Variants in MACO1 observed in about 807,000 individuals in gnomAD.
MACO1 encodes macoilin.
A neutral mutation model predicts 78.7 loss-of-function variants in MACO1; 14 were observed. The observed-to-expected ratio is 0.18, with a 90% confidence interval of 0.12 to 0.28. The LOEUF is 0.28. Ranked by LOEUF, MACO1 falls within the 10% of genes least tolerant of loss-of-function variation. The probability of loss-of-function intolerance (pLI) is 1.00; values close to 1 mark genes in which losing one functional copy is unlikely to be tolerated. For synonymous variants in MACO1, 288 were observed against 291.6 expected, an observed-to-expected ratio of 0.99 and a Z score of 0.12; for missense variants, 501 against 799.0, an observed-to-expected ratio of 0.63 and a Z score of 4.50.
At chr1:25,452,358 C>G (rs1437999214) in intron 3 of MACO1, among the ~76,000 whole-genome samples, 1 of 152,226 alleles carries the variant, frequency 6.6e-6, no homozygotes, top group Admixed American at 6.5e-5. Context: ...GATTTTGATT[C>G]GAAAAGCCAG....
chr1:25,487,727 TG>T (rs924857711), intron 8 of MACO1, among the ~76,000 whole-genome samples: 3 of 152,006 alleles, frequency 2.0e-5, no homozygotes, highest in African/African-American at 4.8e-5. Flanking sequence ...CCCTCAAAAG[TG>T]GGGGGAAAAT....
intron 4 of MACO1, 38 bp downstream of exon 4, chr1:25,454,420 ATG>A: frequency 1.5e-5 from 20 of 1,329,424 alleles, no homozygotes; most frequent in South Asian, 8.3e-5. Flanking sequence ...GTGTGTGTAT[ATG>A]TGTGTATGTA....
chr1:25,448,299 C>T (rs890980236), intron 2 of MACO1, among the ~76,000 whole-genome samples: 2 of 152,068 alleles, frequency 1.3e-5, no homozygotes, highest in Admixed American at 1.3e-4. Context: ...CCTGTCTCTA[C>T]TAAAGTTACA....
At chr1:25,478,681 T>C (rs1216859085) in intron 6 of MACO1, among the ~76,000 whole-genome samples, 1 of 152,244 alleles carries the variant, frequency 6.6e-6, no homozygotes, top group African/African-American at 2.4e-5. Flanking sequence ...CTTTTGAAAT[T>C]ATCAGTAAAG....
rs1411563044 is a variant in MACO1 at position 25,499,704 on chromosome 1, C to T, written c.*1238C>T. On this transcript the variant is annotated 3_prime_UTR_variant, in exon 11 of 11. Transcript: ENST00000374343. ...TCAGGGTGGGGGTGGCGGGAGGGAC[C>T]GGGTGGGGGCAATGCAAAATTGTAT... The T allele has an allele frequency of 1.5e-4, 16 of 106,984 alleles. No individual in the cohort carries two copies. Among genetic ancestry groups the T allele is most frequent in the Non-Finnish European group, 2.6e-4 (14 of 53,022 alleles). 6.6% of individuals were successfully genotyped at this position (106,984 alleles called of 1,614,324 possible). A position where few individuals can be genotyped will look rare whatever the true frequency, so the allele number is the denominator to read the frequency against.
intron 6 of MACO1, among the ~76,000 whole-genome samples, chr1:25,461,183 G>C (rs1238282912): frequency 7.3e-6 from 1 of 136,612 alleles, no homozygotes; most frequent in Non-Finnish European, 1.6e-5. Context: ...GACACAGGAA[G>C]GGGAACATCA....
chr1:25,492,677 C>T (rs895335617), intron 10 of MACO1, among the ~76,000 whole-genome samples: 8 of 151,982 alleles, frequency 5.3e-5, no homozygotes, highest in African/African-American at 1.7e-4. Flanking sequence ...TAGGGGAGCA[C>T]TGGAAGGCTT....
intron 8 of MACO1, among the ~76,000 whole-genome samples, chr1:25,486,869 T>A (rs1002881386): frequency 1.3e-5 from 2 of 152,212 alleles, no homozygotes; most frequent in Non-Finnish European, 1.5e-5. Context: ...GATTGTTTGT[T>A]TGTTTGAAGA....
chr1:25,456,594 T>G, intron 4 of MACO1, 59 bp from the exon 5 acceptor site: 1 of 1,553,152 alleles, frequency 6.4e-7, no homozygotes, highest in Non-Finnish European at 8.7e-7. Flanking sequence ...CTCATGTGCT[T>G]GAGGCACATG....
chr1:25,454,398 A>ATGTGTGTG lies in MACO1; in HGVS notation c.473+19_473+20insGTGTGTGT, dbSNP rs66568068. 6.5e-7 allele frequency: 1 copy of ATGTGTGTG among 1,529,014 alleles called. No homozygotes were observed. Among genetic ancestry groups the ATGTGTGTG allele is most frequent in the Non-Finnish European group, 8.8e-7 (1 of 1,131,430 alleles). The allele number at this position is 1,529,014 out of a possible 1,614,324, so 94.7% of individuals were successfully genotyped here. A position where few individuals can be genotyped will look rare whatever the true frequency, so the allele number is the denominator to read the frequency against. On this transcript the variant is annotated intron_variant, in intron 4 of 10. Coordinates refer to ENST00000374343, the MANE Select transcript of MACO1 (RefSeq NM_018202.6). ...CTGCTCACTGGTAAGTATTACATAA[A>ATGTGTGTG]TGTATGTGTGTGTGTGTGTATATGT...
chr1:25,479,621 T>C (rs35065124), intron 6 of MACO1, among the ~76,000 whole-genome samples: 86,825 of 151,848 alleles, frequency 0.57, 26,304 homozygotes, highest in African/African-American at 0.77. Context: ...GTTGGCAGGG[T>C]TGGTCTCGAA....
intron 5 of MACO1, 96 bp from the exon 6 acceptor site, chr1:25,458,295 G>A (rs2043140386): frequency 2.0e-6 from 3 of 1,467,684 alleles, no homozygotes; most frequent in Middle Eastern, 2.0e-4. Context: ...AATTTCTTAA[G>A]TGTAGATAAT....
chr1:25,456,524 GCTCTT>G, intron 4 of MACO1, 124 bp from the exon 5 acceptor site: 3 of 914,692 alleles, frequency 3.3e-6, no homozygotes, highest in Non-Finnish European at 4.9e-6. Context: ...TCTAGTGAAT[GCTCTT>G]CTCAACTACC....
intron 1 of MACO1, among the ~76,000 whole-genome samples, chr1:25,433,873 G>A (rs891899328): frequency 6.6e-6 from 1 of 152,200 alleles, no homozygotes; most frequent in Non-Finnish European, 1.5e-5. Context: ...ACAGTTTAAC[G>A]TGTGGTTAAT....
intron 6 of MACO1, among the ~76,000 whole-genome samples, chr1:25,465,122 T>C: frequency 6.6e-6 from 1 of 152,202 alleles, no homozygotes; most frequent in East Asian, 1.9e-4. Flanking sequence ...CTGCTCCGTG[T>C]CTTTTCCTGG....
Position 25,458,881 on chromosome 1 carries a change from C to T in MACO1, c.1143C>T (p.Asp381=), listed in dbSNP as rs758837559. The T allele has an allele frequency of 3.4e-5, 55 of 1,612,794 alleles. No homozygotes were observed. The highest frequency in any genetic ancestry group is 1.0e-4 in the Admixed American group (6 of 59,856). Residue 381 remains aspartate (D), a synonymous_variant, in exon 6 of 11, where the codon GAC becomes GAT. Transcript: ENST00000374343. ...CIPNNQLSKP[D]ALVRLEQDIK... is the part of the protein sequence containing the mutation. Reference sequence around the variant, plus strand: ...CTAATAACCAGCTAAGCAAACCAGACGCACTGGTCAGGTAAGTGCACATGC... The same window carrying T: ...CTAATAACCAGCTAAGCAAACCAGATGCACTGGTCAGGTAAGTGCACATGC...
chr1:25,491,172 T>C (rs2043482285), intron 9 of MACO1, among the ~76,000 whole-genome samples: 1 of 152,214 alleles, frequency 6.6e-6, no homozygotes, highest in Non-Finnish European at 1.5e-5. Context: ...TGGAAGCAGA[T>C]TCCATTGTTT....
rs191778462 is a variant in MACO1, at chr1:25,436,879, T to C, written c.80+5701T>C. 2.6e-5 allele frequency among the ~76,000 whole-genome samples: 4 copies of C among 152,334 alleles called. No homozygotes were observed. The East Asian group carries it at 7.7e-4, about 29-fold the overall frequency. ...TTCTCTGCTGCCTTTAAGGATGATA[T>C]GCCCACTTTGAGTCATGGGATTGTG... On this transcript the variant is annotated intron_variant, in intron 1 of 10. Transcript: ENST00000374343.
In MACO1 at chr1:25,482,018, G is replaced by T. The variant is rs190247417; in HGVS notation, c.1155-2098G>T. ...GTCAGGCAACATTTATTGAGTAAGC[G>T]TTGATCACTGTGGAGGGCTCTGGGG... On this transcript the variant is annotated intron_variant, in intron 6 of 10. Coordinates refer to ENST00000374343, the MANE Select transcript of MACO1 (RefSeq NM_018202.6). 2.0e-5 allele frequency among the ~76,000 whole-genome samples: 3 copies of T among 152,156 alleles called. No homozygotes were observed. The South Asian group carries it at 6.2e-4, about 32-fold the overall frequency.
Sources: gnomAD v4.1 joint callset for allele counts (sites outside exome capture counted in the v4.1 genomes callset) on GRCh38, gnomAD v4.1.1 for gene constraint, MANE v1.5 for transcripts, NCBI Gene and HGNC (gene_info 2026-07-23, HGNC 2026-07-21) for gene names.